The following THEMIS variants were observed in gnomAD, a reference collection of about 807,000 sequenced individuals.
THEMIS encodes the protein thymocyte selection associated.
In THEMIS, 37 loss-of-function variants were observed where a neutral mutation model predicts 52.6. That is an observed-to-expected ratio of 0.70 (90% CI 0.54 to 0.93). The LOEUF (loss-of-function observed/expected upper bound fraction) is 0.93. Ranked by LOEUF, THEMIS falls within the 40% of genes least tolerant of loss-of-function variation. The probability of loss-of-function intolerance (pLI) is 0.00; values close to 1 mark genes in which losing one functional copy is unlikely to be tolerated. For synonymous variants in THEMIS, 292 were observed against 272.7 expected (o/e 1.07, Z -0.70); for missense variants, 808 against 763.1 (o/e 1.06, Z -0.69).
At chr6:127,857,074 TA>T (rs11448382) in intron 1 of THEMIS, among the ~76,000 whole-genome samples, 15 of 148,414 alleles carry the variant, frequency 1.0e-4, no homozygotes, top group Admixed American at 1.4e-4. Flanking sequence ...AAACTTTGAT[TA>T]AAAAAAAAAA....
chr6:127,900,855 G>A lies in THEMIS; in HGVS notation c.78C>T (p.Gly26=), dbSNP rs186454646. The A allele has an allele frequency of 6.2e-6, 10 of 1,612,884 alleles. No homozygotes were observed. The East Asian group carries it at 2.2e-4, about 36-fold the overall frequency. ...GAGAGTGCTTACCTTCAAGATAGATGCCTGCCTGGATTTCTAGAACCCTGG... is the reference window on the plus strand; with the variant it reads ...GAGAGTGCTTACCTTCAAGATAGATACCTGCCTGGATTTCTAGAACCCTGG... ...TLPRVLEIQA[G]IYLEGSIYEM... is the part of the protein sequence containing the mutation. The change falls in exon 1 of 6, where the codon GGC becomes GGT. Residue 26 remains glycine, a synonymous_variant. Transcript: ENST00000368248.
At chr6:127,820,999 T>C (rs1392258062) in intron 3 of THEMIS, among the ~76,000 whole-genome samples, 1 of 151,986 alleles carries the variant, frequency 6.6e-6, no homozygotes, top group Non-Finnish European at 1.5e-5. Flanking sequence ...ACACCAACAC[T>C]TATAGTGTTG....
At chr6:127,902,514 A>G (rs1212216849), upstream of THEMIS, among the ~76,000 whole-genome samples, 1 of 152,024 alleles carries the variant, frequency 6.6e-6, no homozygotes, top group African/African-American at 2.4e-5. Context: ...CATGGCCATC[A>G]TGTAAATGAC....
chr6:127,823,651 A>G (rs533599797), intron 3 of THEMIS, among the ~76,000 whole-genome samples: 1 of 152,184 alleles, frequency 6.6e-6, no homozygotes, highest in East Asian at 1.9e-4. Context: ...TACTAAATAT[A>G]TTAAATTTAT....
chr6:127,720,952 T>G (rs1025672469), intron 4 of THEMIS, among the ~76,000 whole-genome samples: 1 of 151,968 alleles, frequency 6.6e-6, no homozygotes, highest in African/African-American at 2.4e-5. Flanking sequence ...TCCATGTCCT[T>G]TCTATAGAAT....
chr6:127,720,810 A>G (rs1774336681), intron 4 of THEMIS, among the ~76,000 whole-genome samples: 1 of 152,076 alleles, frequency 6.6e-6, no homozygotes, highest in Admixed American at 6.6e-5. Context: ...TTGAGTTAAC[A>G]AAATGAACAG....
At chr6:127,779,996 A>T (rs1332041387) in intron 4 of THEMIS, among the ~76,000 whole-genome samples, 1 of 152,052 alleles carries the variant, frequency 6.6e-6, no homozygotes, top group Non-Finnish European at 1.5e-5. Context: ...TGGGCAGCAG[A>T]GTGTTAAAGT....
chr6:127,782,290 A>T (rs1776772202), intron 4 of THEMIS, among the ~76,000 whole-genome samples: 1 of 152,210 alleles, frequency 6.6e-6, no homozygotes, highest in East Asian at 1.9e-4. Context: ...TTCAGCCCTC[A>T]TTCCAGGGGA....
chr6:127,764,088 T>G (rs972605232), intron 4 of THEMIS, among the ~76,000 whole-genome samples: 1 of 151,962 alleles, frequency 6.6e-6, no homozygotes, highest in African/African-American at 2.4e-5. Context: ...CAGGAAAGTG[T>G]GCAAGATATT....
chr6:127,791,881 C>T (rs1583282916), intron 4 of THEMIS, among the ~76,000 whole-genome samples: 1 of 152,200 alleles, frequency 6.6e-6, no homozygotes, highest in Non-Finnish European at 1.5e-5. Context: ...CACAACTTTG[C>T]TCTGAAATTG....
chr6:127,765,849 C>T (rs1412582748), intron 4 of THEMIS, among the ~76,000 whole-genome samples: 7 of 152,058 alleles, frequency 4.6e-5, no homozygotes, highest in Admixed American at 4.6e-4. Flanking sequence ...ATAATATTTA[C>T]ACAATGAAAT....
chr6:127,746,748 A>T (rs1416222166), intron 4 of THEMIS, among the ~76,000 whole-genome samples: 1 of 89,012 alleles, frequency 1.1e-5, no homozygotes, highest in Non-Finnish European at 2.0e-5. Flanking sequence ...TATTATATAT[A>T]ATTATATATT....
At chr6:127,700,556 A>G in the THEMIS span, among the ~76,000 whole-genome samples, 1 of 152,038 alleles carries the variant, frequency 6.6e-6, no homozygotes, top group Non-Finnish European at 1.5e-5. Context: ...GATTTGGGAC[A>G]TTTTAAGGAA....
intron 4 of THEMIS, among the ~76,000 whole-genome samples, chr6:127,731,821 C>A (rs945624941): frequency 4.1e-5 from 6 of 145,012 alleles, no homozygotes; most frequent in African/African-American, 1.5e-4. Flanking sequence ...CCTCAGGTTC[C>A]CGAGTAGCTG....
chr6:127,855,282 G>T, intron 1 of THEMIS, 94 bp from the exon 2 acceptor site: 1 of 1,073,256 alleles, frequency 9.3e-7, no homozygotes, highest in Admixed American at 3.2e-5. Flanking sequence ...TTTTAATTCA[G>T]TTCCTCTCTT....
At chr6:127,897,507 A>G (rs775624122) in intron 1 of THEMIS, among the ~76,000 whole-genome samples, 1 of 151,538 alleles carries the variant, frequency 6.6e-6, no homozygotes, top group African/African-American at 2.4e-5. Context: ...TCTGCAAAAA[A>G]GAGTATTTCC....
intron 4 of THEMIS, among the ~76,000 whole-genome samples, chr6:127,802,078 T>G (rs1479332807): frequency 6.6e-6 from 1 of 152,126 alleles, no homozygotes; most frequent in Admixed American, 6.5e-5. Context: ...GTTTATTTGC[T>G]TGGTTAGGTG....
At position 127,813,779 on chromosome 6, in the gene THEMIS, T is replaced by C; in HGVS notation, c.862A>G (p.Ile288Val). The change falls in exon 4 of 6, where the codon ATA becomes GTA. Residue 288 changes from isoleucine to valine, a missense_variant. Coordinates refer to ENST00000368248, the MANE Select transcript of THEMIS (RefSeq NM_001010923.3). ...AGGTGGTTTCCTTCAGGTGCTTCTATGACTTCAGTCACTATGGGGAACTCT... is the reference window on the plus strand; with the variant it reads ...AGGTGGTTTCCTTCAGGTGCTTCTACGACTTCAGTCACTATGGGGAACTCT... ...SKEFPIVTEV[I>V]EAPEGNHLPQ... 1 of 1,614,042 alleles carries C rather than the reference T, an allele frequency of 6.2e-7. No homozygotes were observed. Among genetic ancestry groups the C allele is most frequent in the Non-Finnish European group, 8.5e-7 (1 of 1,179,980 alleles).
intron 1 of THEMIS, among the ~76,000 whole-genome samples, chr6:127,910,535 A>G (rs935300039): frequency 1.3e-5 from 2 of 152,176 alleles, no homozygotes; most frequent in African/African-American, 4.8e-5. Flanking sequence ...GAAATGGAGA[A>G]TCTGTTTCTA....
Sources: gnomAD v4.1 joint callset for allele counts (sites outside exome capture counted in the v4.1 genomes callset) on GRCh38, gnomAD v4.1.1 for gene constraint, MANE v1.5 for transcripts, NCBI Gene and HGNC (gene_info 2026-07-23, HGNC 2026-07-21) for gene names.